Variants in GRK6 observed in about 807,000 individuals in gnomAD.
The protein encoded by GRK6 is G protein-coupled receptor kinase 6.
In GRK6, 37 loss-of-function variants were observed where a neutral mutation model predicts 80.8. The observed-to-expected ratio is 0.46, with a 90% CI of 0.35 to 0.60. The LOEUF is 0.60. Among genes scored for constraint, GRK6 ranks in the 20% least tolerant of loss-of-function variants. The pLI is 0.00. For synonymous variants in GRK6, 295 were observed against 320.9 expected (o/e 0.92, Z 0.86); for missense variants, 560 against 784.6 (o/e 0.71, Z 3.42).
chr5:177,439,202 T>C lies in GRK6; in HGVS notation c.1405-1498T>C, dbSNP rs78228384. Among the ~76,000 whole-genome samples, 297 of 152,234 alleles carry C rather than the reference T, an allele frequency of 2.0e-3. 5 individuals are homozygous for C. The East Asian group carries it at 0.052, about 27-fold the overall frequency. Reference sequence around the variant, plus strand: ...ATATTTTTTTAACAGCTCTATTGAGTTTAATTTATATGATTTATATACCAT... The same window carrying C: ...ATATTTTTTTAACAGCTCTATTGAGCTTAATTTATATGATTTATATACCAT... On this transcript the variant is annotated intron_variant, in intron 13 of 15. Coordinates refer to ENST00000355472, the MANE Select transcript of GRK6 (RefSeq NM_001004106.3).
chr5:177,433,068 C>T (rs889976764), intron 5 of GRK6, 79 bp from the exon 6 acceptor site: 13 of 1,255,318 alleles, frequency 1.0e-5, no homozygotes, highest in Middle Eastern at 2.6e-4. Flanking sequence ...CTGTACAGAA[C>T]GGGAGGCCTG....
At chr5:177,432,642 C>T (rs1424659299) in intron 4 of GRK6, 64 bp from the exon 5 acceptor site, 12 of 1,173,034 alleles carry the variant, frequency 1.0e-5, no homozygotes, top group Non-Finnish European at 1.3e-5. Context: ...TGACCCCTCT[C>T]CCCTGGAAGT....
Position 177,433,657 on chromosome 5 carries a change from A to G in GRK6, c.719A>G (p.Lys240Arg), listed in dbSNP as rs1368691441. The change falls in exon 8 of 16, where the codon AAA becomes AGA. Residue 240 changes from lysine (K) to arginine (R), a missense_variant. Coordinates refer to ENST00000355472, the MANE Select transcript of GRK6 (RefSeq NM_001004106.3). Reference sequence around the variant, plus strand: ...CTGAACGAGAAGCAGATCCTGGAGAAAGTGAACAGTAGGTTTGTAGTAAGT... The same window carrying G: ...CTGAACGAGAAGCAGATCCTGGAGAGAGTGAACAGTAGGTTTGTAGTAAGT... ...MALNEKQILE[K>R]VNSRFVVSLA... The G allele has an allele frequency of 1.2e-6, 2 of 1,614,078 alleles. No homozygotes were observed. Among genetic ancestry groups the G allele is most frequent in the South Asian group, 2.2e-5 (2 of 91,088 alleles).
intron 13 of GRK6, among the ~76,000 whole-genome samples, chr5:177,439,289 A>G (rs1245190392): frequency 1.3e-5 from 2 of 152,212 alleles, no homozygotes; most frequent in East Asian, 3.8e-4. Flanking sequence ...CTGTAATCCC[A>G]GCACTTTGGG....
intron 11 of GRK6, 33 bp downstream of exon 11, chr5:177,435,154 T>C (rs756246209): frequency 2.6e-6 from 4 of 1,521,748 alleles, no homozygotes; most frequent in Non-Finnish European, 3.6e-6. Flanking sequence ...ACTAGCCTCC[T>C]GGGTTCCCTC....
chr5:177,435,892 C>T (rs909374360), intron 11 of GRK6, among the ~76,000 whole-genome samples, 181 bp from the exon 12 acceptor site: 1 of 152,202 alleles, frequency 6.6e-6, no homozygotes, highest in Admixed American at 6.5e-5. Context: ...ACCCTGGGCG[C>T]GGCCTCCTGC....
At chr5:177,434,249 C>G in intron 9 of GRK6, 145 bp downstream of exon 9, 2 of 826,042 alleles carry the variant, frequency 2.4e-6, no homozygotes, top group South Asian at 4.2e-5. Flanking sequence ...GCTTAACTCA[C>G]ACGCCAGGCC....
At chr5:177,426,054 G>C (rs986837101), upstream of GRK6, among the ~76,000 whole-genome samples, 1 of 152,208 alleles carries the variant, frequency 6.6e-6, no homozygotes, top group African/African-American at 2.4e-5. Context: ...CGCCTGCGGC[G>C]ACCGGGCAAG....
At position 177,441,994 on chromosome 5, in the gene GRK6, C is replaced by T; in HGVS notation, c.*204C>T. 5 of 595,360 alleles carry T rather than the reference C, an allele frequency of 8.4e-6. No homozygotes were observed. The highest frequency in any genetic ancestry group is 1.5e-5 in the Non-Finnish European group (5 of 332,060). 36.9% of individuals were successfully genotyped at this position (595,360 alleles called of 1,614,324 possible). ...CTGGGCCATCCCTGGGACAAAGGTG[C>T]GTCCCTTCAGCTCTTCTCCGTGGAG... On this transcript the variant is annotated 3_prime_UTR_variant, in exon 16 of 16. Transcript: ENST00000355472.
At chr5:177,425,943 G>A (rs1581668673), upstream of GRK6, among the ~76,000 whole-genome samples, 1 of 152,250 alleles carries the variant, frequency 6.6e-6, no homozygotes, top group East Asian at 1.9e-4. Context: ...CCGAGGTCTA[G>A]GGGTGGTAGC....
intron 4 of GRK6, 22 bp from the exon 5 acceptor site, chr5:177,432,684 C>T (rs770155738): frequency 1.3e-6 from 2 of 1,541,786 alleles, no homozygotes; most frequent in South Asian, 1.2e-5. Context: ...CCTGCACTGA[C>T]CTGTCTGGGG....
At position 177,441,066 on chromosome 5, in the gene GRK6, A is replaced by T; in HGVS notation, c.1677+13A>T. The T allele has an allele frequency of 6.2e-7, 1 of 1,613,002 alleles. No individual in the cohort carries two copies. The highest frequency in any genetic ancestry group is 8.5e-7 in the Non-Finnish European group (1 of 1,179,570). On this transcript the variant is annotated intron_variant, in intron 15 of 15. Coordinates refer to ENST00000355472, the MANE Select transcript of GRK6 (RefSeq NM_001004106.3). ...CTTCAGTCGCCAAGTAAGCCCCAGC[A>T]GCGGCCTACCTGGGCCCCTAACCTG... is the stretch of plus-strand genomic sequence containing the variant.
At chr5:177,426,931 G>A (rs775346664) in intron 1 of GRK6, 34 bp downstream of exon 1, 7 of 1,312,288 alleles carry the variant, frequency 5.3e-6, no homozygotes, top group Non-Finnish European at 2.0e-6. Flanking sequence ...GGGCCCGGGT[G>A]CGTGGAGCGC....
Position 177,435,054 on chromosome 5 carries a change from G to T in GRK6, c.990G>T (p.Leu330=). 6.2e-7 allele frequency: 1 copy of T among 1,612,782 alleles called. No individual in the cohort carries two copies. The highest frequency in any genetic ancestry group is 8.5e-7 in the Non-Finnish European group (1 of 1,179,718). Residue 330 remains leucine, a synonymous_variant, in exon 11 of 16, where the codon CTG becomes CTT. Transcript: ENST00000355472. ...DDHGHIRISD[L]GLAVHVPEGQ... is the part of the protein sequence containing the mutation. ...CAGGCCACATCCGCATCTCTGACCT[G>T]GGACTAGCTGTGCATGTGCCCGAGG...
At chr5:177,430,644 C>T in intron 1 of GRK6, 1 of 573,148 alleles carries the variant, frequency 1.7e-6, no homozygotes. Context: ...CCCGCAGCGA[C>T]CTCACTGCCT....
At position 177,428,104 on chromosome 5, in the gene GRK6, G is replaced by A. The variant is rs906750169; in HGVS notation, c.52+1207G>A. Among the ~76,000 whole-genome samples, 3 of 152,202 alleles carry A rather than the reference G, an allele frequency of 2.0e-5. No homozygotes were observed. In the East Asian group the frequency reaches 5.8e-4, roughly 29 times the overall value. ...ATGGCAGGCTGGGTCCTCATTGCCTGGGGAGCCTGTCTTATCCCCTGTCCC... is the reference window on the plus strand; with the variant it reads ...ATGGCAGGCTGGGTCCTCATTGCCTAGGGAGCCTGTCTTATCCCCTGTCCC... On this transcript the variant is annotated intron_variant, in intron 1 of 15. Transcript: ENST00000355472. The surrounding 1 kb of genome is among the most constrained non-coding windows in gnomAD (Gnocchi z 4.1).
At chr5:177,436,556 G>T (rs767242637) in intron 13 of GRK6, 26 bp downstream of exon 13, 1 of 1,538,410 alleles carries the variant, frequency 6.5e-7, no homozygotes, top group South Asian at 1.3e-5. Context: ...TCCTGCTGAG[G>T]GCGGGGCCCA....
chr5:177,435,242 G>A (rs1376899679), intron 11 of GRK6, 121 bp downstream of exon 11: 6 of 686,776 alleles, frequency 8.7e-6, no homozygotes, highest in Non-Finnish European at 1.5e-5. Context: ...AAGGGCCCAT[G>A]CCGATGCTCC....
intron 13 of GRK6, among the ~76,000 whole-genome samples, chr5:177,438,333 C>T (rs1028244347): frequency 6.6e-6 from 1 of 151,974 alleles, no homozygotes; most frequent in Non-Finnish European, 1.5e-5. Context: ...GCGCATTGCA[C>T]TCCAGCCTGG....
Sources: gnomAD v4.1 joint callset for allele counts (sites outside exome capture counted in the v4.1 genomes callset) on GRCh38, gnomAD v4.1.1 for gene constraint, Gnocchi (gnomAD v3.1) non-coding constraint, MANE v1.5 for transcripts, NCBI Gene and HGNC (gene_info 2026-07-23, HGNC 2026-07-21) for gene names.